Variants in AP3B1 observed in about 807,000 individuals in gnomAD.
AP3B1 encodes the protein adaptor related protein complex 3 subunit beta 1, also known as AP-3 complex subunit beta-1.
A neutral mutation model predicts 132.5 loss-of-function variants in AP3B1; 61 were observed. That is an observed-to-expected ratio of 0.46 (90% CI 0.37 to 0.57). The LOEUF (loss-of-function observed/expected upper bound fraction) is 0.57, where lower values mean the gene tolerates loss of function less well. Among genes scored for constraint, AP3B1 ranks in the 20% least tolerant of loss-of-function variants. The probability of loss-of-function intolerance (pLI) is 0.00; values close to 1 mark genes in which losing one functional copy is unlikely to be tolerated. For synonymous variants in AP3B1, 388 were observed against 438.3 expected (o/e 0.89, Z 1.43); for missense variants, 1,120 against 1,289.4 (o/e 0.87, Z 2.01).
rs556341477 is a variant in AP3B1, at chr5:78,162,860, G to A, written c.1322C>T (p.Thr441Met). The change falls in exon 13 of 27, where the codon ACG becomes ATG. Residue 441 changes from threonine (T) to methionine (M), a missense_variant. By Grantham distance (81) the Thr-to-Met change is moderately conservative. This residue lies in a region of AP3B1 where 906 missense variants were observed against 997.1 expected (regional missense o/e 0.91). Coordinates refer to ENST00000255194, the MANE Select transcript of AP3B1 (RefSeq NM_003664.5). ...CAGACAGACCAAGCCATTGAGGCACGTGTCAGTGACTTCCAAGATGTTGGT... is the reference window on the plus strand; with the variant it reads ...CAGACAGACCAAGCCATTGAGGCACATGTCAGTGACTTCCAAGATGTTGGT... Reference protein sequence around the residue: ...CATNILEVTDTCLNGLVCLLS... With the variant: ...CATNILEVTDMCLNGLVCLLS... 15 of 1,613,950 alleles carry A rather than the reference G, an allele frequency of 9.3e-6. No homozygotes were observed. The Middle Eastern group carries it at 8.2e-4, about 89-fold the overall frequency.
chr5:78,070,293 G>C (rs1749480000), intron 22 of AP3B1, among the ~76,000 whole-genome samples: 1 of 151,716 alleles, frequency 6.6e-6, no homozygotes. Flanking sequence ...TGTAATCCCA[G>C]ATACTTGGGA....
intron 22 of AP3B1, among the ~76,000 whole-genome samples, chr5:78,055,497 T>G (rs1372854007): frequency 6.6e-6 from 1 of 152,208 alleles, no homozygotes; most frequent in Non-Finnish European, 1.5e-5. Context: ...CATGTGACAG[T>G]GTGTTGCTGG....
At chr5:78,183,504 T>A (rs1744456164) in intron 7 of AP3B1, among the ~76,000 whole-genome samples, 1 of 152,140 alleles carries the variant, frequency 6.6e-6, no homozygotes, top group Admixed American at 6.5e-5. Flanking sequence ...TAAAAATCAT[T>A]AAAAAATGCT....
At chr5:78,019,201 C>T (rs144224426) in intron 25 of AP3B1, among the ~76,000 whole-genome samples, 1 of 152,192 alleles carries the variant, frequency 6.6e-6, no homozygotes, top group African/African-American at 2.4e-5. Flanking sequence ...GGCAACAACT[C>T]CACAGAGGAC....
chr5:78,258,637 C>G (rs1375527606), intron 2 of AP3B1, among the ~76,000 whole-genome samples: 1 of 152,124 alleles, frequency 6.6e-6, no homozygotes, highest in East Asian at 1.9e-4. Flanking sequence ...TTAGAGGTTC[C>G]TCAAAAAGAA....
chr5:78,190,014 T>G (rs1026017324), intron 7 of AP3B1, among the ~76,000 whole-genome samples: 1 of 151,652 alleles, frequency 6.6e-6, no homozygotes, highest in African/African-American at 2.4e-5. Context: ...TAGTATCTTT[T>G]CCACATGATT....
chr5:78,206,699 C>A (rs906331870), intron 7 of AP3B1, among the ~76,000 whole-genome samples: 4 of 151,742 alleles, frequency 2.6e-5, no homozygotes, highest in African/African-American at 9.7e-5. Context: ...AGTAAGTAAA[C>A]AACAGATCAA....
chr5:78,107,152 C>A (rs748072818), intron 20 of AP3B1, among the ~76,000 whole-genome samples: 4 of 151,804 alleles, frequency 2.6e-5, no homozygotes, highest in Non-Finnish European at 4.4e-5. Context: ...GTGTCAGAGG[C>A]GTGTAAAAAG....
chr5:78,290,818 A>G (rs1163962444), intron 1 of AP3B1, among the ~76,000 whole-genome samples: 2 of 152,004 alleles, frequency 1.3e-5, no homozygotes, highest in Non-Finnish European at 2.9e-5. Flanking sequence ...GCATGGTAGC[A>G]TGCACCTGTA....
chr5:78,257,584 G>A (rs1747899340), intron 2 of AP3B1, among the ~76,000 whole-genome samples: 2 of 152,148 alleles, frequency 1.3e-5, no homozygotes, highest in Non-Finnish European at 2.9e-5. Flanking sequence ...TTGTTAAAAT[G>A]TCCCTACTAC....
intron 7 of AP3B1, among the ~76,000 whole-genome samples, chr5:78,215,766 T>C (rs1431709854): frequency 1.3e-5 from 2 of 152,218 alleles, no homozygotes; most frequent in East Asian, 1.9e-4. Context: ...GCAATGTCAC[T>C]GTAAACACTG....
intron 17 of AP3B1, among the ~76,000 whole-genome samples, chr5:78,116,839 C>A (rs371766076): frequency 1.3e-5 from 2 of 152,118 alleles, no homozygotes; most frequent in African/African-American, 4.8e-5. Context: ...CCCCAGCAAA[C>A]AAACTTTGCA....
At chr5:78,160,161 G>A (rs1257480175) in intron 13 of AP3B1, among the ~76,000 whole-genome samples, 2 of 152,082 alleles carry the variant, frequency 1.3e-5, no homozygotes, top group African/African-American at 4.8e-5. Context: ...GCTCTATAAA[G>A]ATAGGAACCT....
rs34733864 is a variant in AP3B1, at chr5:78,191,354, C to CAAAAA, written c.787-9697_787-9693dup. Among the ~76,000 whole-genome samples, 562 of 72,744 alleles carry CAAAAA rather than the reference C, an allele frequency of 7.7e-3. 5 individuals carry two copies. Among genetic ancestry groups the CAAAAA allele is most frequent in the African/African-American group, 0.028 (512 of 18,302 alleles). 47.7% of individuals were successfully genotyped at this position (72,744 alleles called of 152,430 possible). Reference sequence around the variant, plus strand: ...ATTGGCTTTTGGAATTGCTTTTCCCCAAAAAAAAAAAAAAAAAAAAAAAGG... The same window carrying CAAAAA: ...ATTGGCTTTTGGAATTGCTTTTCCCCAAAAAAAAAAAAAAAAAAAAAAAAAAAAGG... On this transcript the variant is annotated intron_variant, in intron 7 of 26. Transcript: ENST00000255194.
At chr5:78,034,313 G>T in intron 24 of AP3B1, 48 bp downstream of exon 24, 1 of 1,401,184 alleles carries the variant, frequency 7.1e-7, no homozygotes, top group Non-Finnish European at 1.0e-6. Context: ...TTTTTGATCT[G>T]CTATCCTTTA....
intron 22 of AP3B1, among the ~76,000 whole-genome samples, chr5:78,086,316 T>C (rs1379074522): frequency 6.6e-6 from 1 of 152,198 alleles, no homozygotes; most frequent in African/African-American, 2.4e-5. Context: ...GTACGTGTAA[T>C]GAAAATGATA....
Position 78,061,324 on chromosome 5 carries a change from T to C in AP3B1, c.2578-22050A>G, listed in dbSNP as rs766552395. 5.9e-5 allele frequency among the ~76,000 whole-genome samples: 9 copies of C among 152,226 alleles called. No individual in the cohort carries two copies. The South Asian group carries it at 6.2e-4, about 11-fold the overall frequency. ...ATAGTTTCCTTTCAACTGTTTTACC[T>C]ATTCCCTGAGCATTTAAAACTAGCA... On this transcript the variant is annotated intron_variant, in intron 22 of 26. Transcript: ENST00000255194.
intron 2 of AP3B1, among the ~76,000 whole-genome samples, chr5:78,266,977 TC>T (rs1163267445): frequency 6.6e-6 from 1 of 152,142 alleles, no homozygotes; most frequent in African/African-American, 2.4e-5. Context: ...GGCAATAGAA[TC>T]CTCATAACTT....
chr5:78,106,811 T>C (rs567729946), intron 20 of AP3B1, among the ~76,000 whole-genome samples: 7 of 152,264 alleles, frequency 4.6e-5, no homozygotes, highest in Middle Eastern at 3.4e-3. Context: ...GGGCTTCAGA[T>C]CTGGGAGAAT....
Sources: gnomAD v4.1 joint callset for allele counts (sites outside exome capture counted in the v4.1 genomes callset) on GRCh38, gnomAD v4.1.1 for gene constraint, gnomAD v4.1.1 regional missense constraint, MANE v1.5 for transcripts, NCBI Gene and HGNC (gene_info 2026-07-23, HGNC 2026-07-21) for gene names.